CSGALNACT1: variants seen among roughly 807,000 people sequenced by gnomAD.
CSGALNACT1 encodes the protein beta4GalNAcT-1.
A neutral mutation model predicts 51.0 loss-of-function variants in CSGALNACT1; 52 were observed. That is an observed-to-expected ratio of 1.02 (90% confidence interval 0.82 to 1.29). The LOEUF (loss-of-function observed/expected upper bound fraction) is 1.29, where lower values mean the gene tolerates loss of function less well. CSGALNACT1 is among the 50% of genes most tolerant of loss of function. The pLI is 0.00. For missense variants in CSGALNACT1, 935 were observed against 679.2 expected, an observed-to-expected ratio of 1.38 and a Z score of -4.19; for synonymous variants, 341 against 254.4, an observed-to-expected ratio of 1.34 and a Z score of -3.24.
intron 1 of CSGALNACT1, among the ~76,000 whole-genome samples, chr8:19,754,299 A>G (rs1313103403): frequency 6.6e-6 from 1 of 152,186 alleles, no homozygotes; most frequent in Non-Finnish European, 1.5e-5. Flanking sequence ...AAGCGCTGGG[A>G]TTATAGATGT....
At chr8:19,467,873 A>T (rs2067081956) in intron 4 of CSGALNACT1, among the ~76,000 whole-genome samples, 1 of 152,110 alleles carries the variant, frequency 6.6e-6, no homozygotes, top group Admixed American at 6.5e-5. Context: ...GTAGTCCCAG[A>T]TAGTCAGGAG....
At chr8:19,499,225 T>C (rs1027871735) in intron 4 of CSGALNACT1, among the ~76,000 whole-genome samples, 1 of 152,238 alleles carries the variant, frequency 6.6e-6, no homozygotes, top group Admixed American at 6.5e-5. Context: ...CTTGCGTAGA[T>C]GCCCCTTTAT....
intron 4 of CSGALNACT1, among the ~76,000 whole-genome samples, chr8:19,468,506 T>C (rs568502464): frequency 6.6e-6 from 1 of 152,160 alleles, no homozygotes; most frequent in Non-Finnish European, 1.5e-5. Flanking sequence ...TTTCAGGATA[T>C]TCACCTTAGA....
intron 1 of CSGALNACT1, among the ~76,000 whole-genome samples, chr8:19,741,908 C>T (rs769555881): frequency 2.0e-5 from 3 of 152,066 alleles, no homozygotes; most frequent in South Asian, 2.1e-4. Flanking sequence ...ATCAACAGGC[C>T]GCATAGGAAA....
At chr8:19,569,400 T>G (rs2042539657) in intron 3 of CSGALNACT1, among the ~76,000 whole-genome samples, 1 of 152,204 alleles carries the variant, frequency 6.6e-6, no homozygotes, top group Admixed American at 6.5e-5. Flanking sequence ...GCAGGAGTGA[T>G]GCTTTGTCCT....
intron 8 of CSGALNACT1, among the ~76,000 whole-genome samples, chr8:19,416,022 TAAC>T (rs765659313): frequency 2.0e-5 from 3 of 151,490 alleles, no homozygotes; most frequent in Non-Finnish European, 4.4e-5. Flanking sequence ...ATGTGCTGCC[TAAC>T]AACATTTCCG....
intron 1 of CSGALNACT1, among the ~76,000 whole-genome samples, chr8:19,755,843 T>A (rs1208903187): frequency 2.0e-5 from 3 of 152,242 alleles, no homozygotes; most frequent in African/African-American, 7.2e-5. Flanking sequence ...GATATTGTAT[T>A]ATGTGGAGTA....
intron 4 of CSGALNACT1, among the ~76,000 whole-genome samples, chr8:19,491,039 G>C (rs558950481): frequency 2.0e-5 from 3 of 150,058 alleles, no homozygotes; most frequent in South Asian, 4.2e-4. Flanking sequence ...AATTTCCAAA[G>C]AAAGTATCTG....
intron 3 of CSGALNACT1, among the ~76,000 whole-genome samples, chr8:19,551,159 G>C (rs1383300171): frequency 3.3e-5 from 5 of 152,316 alleles, no homozygotes; most frequent in Admixed American, 2.0e-4. Context: ...GAAGAAAAGA[G>C]TATGTTACAA....
intron 3 of CSGALNACT1, among the ~76,000 whole-genome samples, chr8:19,537,538 C>G (rs376614642): frequency 8.1e-4 from 123 of 152,302 alleles, no homozygotes; most frequent in African/African-American, 2.8e-3. Context: ...GTTCCCTTTA[C>G]CCCTCACTCA....
intron 3 of CSGALNACT1, among the ~76,000 whole-genome samples, chr8:19,590,662 T>C (rs2047614756): frequency 6.9e-6 from 1 of 144,340 alleles, no homozygotes; most frequent in South Asian, 2.3e-4. Context: ...TTTTTTTTTT[T>C]TTTTGGAGAT....
At chr8:19,490,039 C>G (rs531994906) in intron 4 of CSGALNACT1, among the ~76,000 whole-genome samples, 1 of 152,316 alleles carries the variant, frequency 6.6e-6, no homozygotes, top group African/African-American at 2.4e-5. Flanking sequence ...CCTTCCTGGA[C>G]CATCTGTTCT....
chr8:19,597,179 CT>C (rs2049085620), intron 2 of CSGALNACT1, among the ~76,000 whole-genome samples: 1 of 151,978 alleles, frequency 6.6e-6, no homozygotes, highest in East Asian at 1.9e-4. Context: ...AATTTCTCTC[CT>C]TTTTAAGGCT....
At chr8:19,586,068 A>G (rs1221734960) in intron 3 of CSGALNACT1, among the ~76,000 whole-genome samples, 3 of 152,076 alleles carry the variant, frequency 2.0e-5, no homozygotes, top group Non-Finnish European at 2.9e-5. Context: ...CATCAAAAAG[A>G]GTTGTAAAAT....
intron 3 of CSGALNACT1, among the ~76,000 whole-genome samples, chr8:19,521,767 G>C (rs982855281): frequency 1.3e-5 from 2 of 152,196 alleles, no homozygotes; most frequent in African/African-American, 4.8e-5. Context: ...AGTTCTAGGA[G>C]AAAGACAAGT....
intron 5 of CSGALNACT1, among the ~76,000 whole-genome samples, chr8:19,443,120 G>A (rs925698504): frequency 6.6e-6 from 1 of 152,154 alleles, no homozygotes; most frequent in Non-Finnish European, 1.5e-5. Flanking sequence ...GTCCTGACCT[G>A]CTTTCCCACA....
chr8:19,701,153 G>GT (rs767074945), intron 1 of CSGALNACT1, among the ~76,000 whole-genome samples: 17,667 of 92,914 alleles, frequency 0.19, 2,624 homozygotes, highest in East Asian at 0.45. Flanking sequence ...TCTATTATCC[G>GT]TTTTTTTTTT....
intron 1 of CSGALNACT1, among the ~76,000 whole-genome samples, chr8:19,735,402 G>T (rs913950381): frequency 1.3e-5 from 2 of 151,762 alleles, no homozygotes; most frequent in Non-Finnish European, 2.9e-5. Context: ...TTAAATATAG[G>T]CCTCAAAAAA....
At chr8:19,570,503 G>T (rs975253633) in intron 3 of CSGALNACT1, among the ~76,000 whole-genome samples, 1 of 152,136 alleles carries the variant, frequency 6.6e-6, no homozygotes, top group Non-Finnish European at 1.5e-5. Flanking sequence ...AGAGCAAGAG[G>T]TAATGAGGAC....
Sources: allele counts gnomAD v4.1 joint callset (sites outside exome capture counted in the v4.1 genomes callset), GRCh38; gene constraint gnomAD v4.1.1; transcripts MANE v1.5; gene names NCBI Gene and HGNC (gene_info 2026-07-23, HGNC 2026-07-21).